DLGAP5: variants seen among roughly 807,000 people sequenced by gnomAD.
DLGAP5 encodes disks large-associated protein 5.
Under a neutral mutation model 99.6 loss-of-function variants are expected in DLGAP5, and 90 were observed. The ratio of observed to expected loss-of-function variants is 0.90; its 90% CI spans 0.76 to 1.08. The LOEUF is 1.08. DLGAP5 is among the 50% of genes least tolerant of loss of function. The pLI, the probability that DLGAP5 is intolerant of heterozygous loss-of-function variation, is 0.00. For synonymous variants in DLGAP5, 311 were observed against 321.3 expected, an observed-to-expected ratio of 0.97 and a Z score of 0.34; for missense variants, 1,036 against 983.5, an observed-to-expected ratio of 1.05 and a Z score of -0.71.
chr14:55,190,406 G>A (rs1226800260), intron 1 of DLGAP5, among the ~76,000 whole-genome samples: 1 of 152,076 alleles, frequency 6.6e-6, no homozygotes, highest in Non-Finnish European at 1.5e-5. Flanking sequence ...GGACAATAAA[G>A]ACGACGTCAG....
intron 16 of DLGAP5, among the ~76,000 whole-genome samples, chr14:55,152,257 A>G (rs1262877485): frequency 6.6e-6 from 1 of 152,228 alleles, no homozygotes; most frequent in Non-Finnish European, 1.5e-5. Flanking sequence ...TAAGTACTCA[A>G]CTCTACCACT....
chr14:55,173,201 G>A (rs1882922151), intron 10 of DLGAP5, among the ~76,000 whole-genome samples: 1 of 148,642 alleles, frequency 6.7e-6, no homozygotes, highest in Non-Finnish European at 1.5e-5. Flanking sequence ...ATGGGAGGCT[G>A]AGGCAAAAGG....
chr14:55,184,241 T>C (rs1883363646), intron 2 of DLGAP5, among the ~76,000 whole-genome samples: 1 of 152,206 alleles, frequency 6.6e-6, no homozygotes, highest in Non-Finnish European at 1.5e-5. Flanking sequence ...AAGGATCATT[T>C]GAGCCCAGGA....
intron 14 of DLGAP5, among the ~76,000 whole-genome samples, chr14:55,158,004 CCTCCTGCCTTGGTCT>C (rs1280449962): frequency 2.0e-5 from 3 of 152,214 alleles, no homozygotes; most frequent in African/African-American, 7.2e-5. Flanking sequence ...TTCAAGTGAT[CCTCCTGCCTTGGTCT>C]CTCAAAGTAC....
In DLGAP5 at chr14:55,169,520, A is replaced by C. The variant is rs772673404; in HGVS notation, c.1427T>G (p.Leu476Arg). The C allele has an allele frequency of 2.5e-6, 4 of 1,602,602 alleles. No individual in the cohort carries two copies. The South Asian group carries it at 3.4e-5, about 14-fold the overall frequency. ...LIRTAVGQTR[L>R]LMKERFKQFE... ...CTGTTTAAACCTTTCCTTCATAAGG[A>C]GTCTTGTTTGACCAACTGCTGTGCG... The change falls in exon 12 of 19, where the codon CTC becomes CGC. Residue 476 changes from leucine to arginine, a missense_variant. Leu to Arg is a moderately radical substitution (Grantham distance 102, BLOSUM62 -2). Coordinates refer to ENST00000247191, the MANE Select transcript of DLGAP5 (RefSeq NM_014750.5).
chr14:55,150,654 T>C (rs530334156), intron 18 of DLGAP5, 145 bp downstream of exon 18: 39 of 572,830 alleles, frequency 6.8e-5, no homozygotes, highest in African/African-American at 5.0e-4. Context: ...ACCAAATTTT[T>C]CTTCATTCTG....
At chr14:55,181,658 T>G (rs796120226) in intron 4 of DLGAP5, among the ~76,000 whole-genome samples, 2 of 152,310 alleles carry the variant, frequency 1.3e-5, no homozygotes, top group African/African-American at 4.8e-5. Context: ...CGCTTTCCCA[T>G]GGTTCTCTTC....
In DLGAP5 at chr14:55,165,164, C is replaced by A. The variant is rs1236888827; in HGVS notation, c.1549-2089G>T. Among the ~76,000 whole-genome samples the A allele has an allele frequency of 2.6e-5, 4 of 152,022 alleles. No individual in the cohort carries two copies. In the East Asian group the frequency reaches 7.7e-4, roughly 29 times the overall value. On this transcript the variant is annotated intron_variant, in intron 12 of 18. Coordinates refer to ENST00000247191, the MANE Select transcript of DLGAP5 (RefSeq NM_014750.5). Reference sequence around the variant, plus strand: ...TACACAGACATCTCAGTAAAAGATACATGAATGGCGAATAAGCTCACAAAA... The same window carrying A: ...TACACAGACATCTCAGTAAAAGATAAATGAATGGCGAATAAGCTCACAAAA...
At position 55,152,633 on chromosome 14, in the gene DLGAP5, T is replaced by C; in HGVS notation, c.2078A>G (p.Asp693Gly). The change falls in exon 16 of 19, where the codon GAT becomes GGT. Residue 693 changes from aspartate to glycine, a missense_variant. Asp to Gly is a moderately conservative substitution (Grantham distance 94, BLOSUM62 -1). Coordinates refer to ENST00000247191, the MANE Select transcript of DLGAP5 (RefSeq NM_014750.5). ...SIPESRSSIE[D>G]AQCPGLPDLI... is the part of the protein sequence containing the mutation. ...ATCTGGTAATCCAGGACACTGAGCA[T>C]CTTCTATGCTGCTCCTAAAGAAGAA... 6.2e-7 allele frequency: 1 copy of C among 1,601,020 alleles called. No homozygotes were observed. Among genetic ancestry groups the C allele is most frequent in the Non-Finnish European group, 8.5e-7 (1 of 1,174,874 alleles).
Position 55,148,374 on chromosome 14 carries a change from G to T in DLGAP5, c.2518C>A (p.Pro840Thr), listed in dbSNP as rs1376672753. The change falls in exon 19 of 19, where the codon CCT becomes ACT. Residue 840 changes from proline to threonine, a missense_variant. Pro to Thr is a conservative substitution (Grantham distance 38). Coordinates refer to ENST00000247191, the MANE Select transcript of DLGAP5 (RefSeq NM_014750.5). ...ATTCAAAATTCTCCTGGTTGTAGAG[G>T]TGAAAAAGTAATCAGGTTACCACCA... is the stretch of plus-strand genomic sequence containing the variant. ...SFGGNLITFSPLQPGEF is the reference protein window; with the variant it reads ...SFGGNLITFSTLQPGEF The T allele has an allele frequency of 3.1e-6, 5 of 1,613,868 alleles. No individual in the cohort carries two copies. The African/African-American group carries it at 6.7e-5, about 22-fold the overall frequency.
chr14:55,153,194 G>C (rs1172975765), intron 15 of DLGAP5, among the ~76,000 whole-genome samples: 1 of 152,098 alleles, frequency 6.6e-6, no homozygotes, highest in African/African-American at 2.4e-5. Context: ...GACAATAATT[G>C]AGTTAGAATA....
intron 1 of DLGAP5, among the ~76,000 whole-genome samples, chr14:55,190,394 G>T (rs1054842868): frequency 2.0e-5 from 3 of 152,038 alleles, no homozygotes; most frequent in African/African-American, 7.3e-5. Context: ...CAAAACAAAA[G>T]AGGACAATAA....
At position 55,183,909 on chromosome 14, in the gene DLGAP5, T is replaced by C. The variant is rs140230245; in HGVS notation, c.239-156A>G. Among the ~76,000 whole-genome samples, 3,071 of 152,208 alleles carry C rather than the reference T, an allele frequency of 0.02. 82 individuals are homozygous for C. Among genetic ancestry groups the C allele is most frequent in the African/African-American group, 0.07 (2,904 of 41,532 alleles). On this transcript the variant is annotated intron_variant, in intron 2 of 18. Coordinates refer to ENST00000247191, the MANE Select transcript of DLGAP5 (RefSeq NM_014750.5). ...GGCTCACGCCTGTAATCCCAGCACT[T>C]TGGGAGGCTGAGGAGGGCGGATCAT...
intron 16 of DLGAP5, 108 bp from the exon 17 acceptor site, chr14:55,152,049 G>A (rs79682078): frequency 2.7e-5 from 27 of 1,009,792 alleles, no homozygotes; most frequent in Non-Finnish European, 3.3e-5. Flanking sequence ...ATGACATCCC[G>A]GACACAGTCT....
chr14:55,182,740 GGT>G (rs1296119103), intron 3 of DLGAP5, among the ~76,000 whole-genome samples: 1 of 152,032 alleles, frequency 6.6e-6, no homozygotes. Flanking sequence ...TCCTCAGCCT[GGT>G]ACCTGGCTTC....
At chr14:55,179,596 G>T (rs369163203) in intron 7 of DLGAP5, 33 bp downstream of exon 7, 163 of 1,543,242 alleles carry the variant, frequency 1.1e-4, no homozygotes, top group Non-Finnish European at 1.4e-4. Flanking sequence ...GATTTTCAAA[G>T]CATCTAGAAT....
chr14:55,152,005 T>A, intron 16 of DLGAP5, 64 bp from the exon 17 acceptor site: 2 of 1,506,938 alleles, frequency 1.3e-6, no homozygotes. Context: ...ATTTTAAAAG[T>A]CTTGTTGCTA....
intron 18 of DLGAP5, among the ~76,000 whole-genome samples, chr14:55,149,025 A>G (rs1483826142): frequency 6.6e-6 from 1 of 152,168 alleles, no homozygotes; most frequent in African/African-American, 2.4e-5. Context: ...TTCAAGTTCA[A>G]ATTATGCTAC....
intron 1 of DLGAP5, 38 bp from the exon 2 acceptor site, chr14:55,189,218 T>C: frequency 6.7e-7 from 1 of 1,501,704 alleles, no homozygotes; most frequent in South Asian, 1.2e-5. Context: ...TTACATGAAT[T>C]TTCATTATTT....
Sources: allele counts gnomAD v4.1 joint callset (sites outside exome capture counted in the v4.1 genomes callset), GRCh38; gene constraint gnomAD v4.1.1; transcripts MANE v1.5; gene names NCBI Gene and HGNC (gene_info 2026-07-23, HGNC 2026-07-21).